DCAF6: variants seen among roughly 807,000 people sequenced by gnomAD.
DCAF6 encodes DDB1 and CUL4 associated factor 6.
A neutral mutation model predicts 125.1 loss-of-function variants in DCAF6; 54 were observed. The observed-to-expected ratio is 0.43, with a 90% CI of 0.35 to 0.54. The LOEUF (loss-of-function observed/expected upper bound fraction) is 0.54, where lower values mean the gene tolerates loss of function less well. Among genes scored for constraint, DCAF6 ranks in the 20% least tolerant of loss-of-function variants. The probability of loss-of-function intolerance (pLI) is 0.01; values close to 1 mark genes in which losing one functional copy is unlikely to be tolerated. For missense variants in DCAF6, 934 were observed against 1,161.7 expected (o/e 0.80, Z 2.85); for synonymous variants, 371 against 390.4 (o/e 0.95, Z 0.58).
intron 17 of DCAF6, among the ~76,000 whole-genome samples, chr1:168,059,711 T>C (rs1214356808): frequency 1.3e-5 from 2 of 152,176 alleles, no homozygotes; most frequent in African/African-American, 2.4e-5. Flanking sequence ...AGTGGCATGA[T>C]CATGGCTCAC....
rs985801868 is a variant in DCAF6 at position 167,984,875 on chromosome 1, C to T, written c.439-2620C>T. 5.3e-5 allele frequency among the ~76,000 whole-genome samples: 8 copies of T among 151,892 alleles called. No homozygotes were observed. The South Asian group carries it at 6.2e-4, about 12-fold the overall frequency. ...TTCATGCTGCTAATAAAGGTATACC[C>T]GAGACTGGGCAGTTTACAAAAGAAA... On this transcript the variant is annotated intron_variant, in intron 4 of 21. Coordinates refer to ENST00000367840, the MANE Select transcript of DCAF6 (RefSeq NM_001198956.2).
chr1:167,941,132 A>G (rs1451634099), intron 1 of DCAF6, among the ~76,000 whole-genome samples: 2 of 151,950 alleles, frequency 1.3e-5, no homozygotes, highest in African/African-American at 2.4e-5. Flanking sequence ...TTTTTTAGCC[A>G]TTGGGGAAAA....
chr1:167,935,853 G>T, upstream of DCAF6: 1 of 1,544,920 alleles, frequency 6.5e-7, no homozygotes, highest in Non-Finnish European at 8.8e-7. Context: ...GCCGCCGAGG[G>T]ATCGTTGGCA....
the DCAF6 span, among the ~76,000 whole-genome samples, chr1:167,868,049 C>A: frequency 2.0e-5 from 3 of 152,132 alleles, no homozygotes; most frequent in African/African-American, 7.2e-5. Flanking sequence ...AGGACTAGAT[C>A]CTAGAGTAAA....
At chr1:167,959,326 GTTGCCATAAACGT>G (rs1262842216) in intron 2 of DCAF6, among the ~76,000 whole-genome samples, 1 of 152,196 alleles carries the variant, frequency 6.6e-6, no homozygotes, top group Non-Finnish European at 1.5e-5. Context: ...TATGAGTAAA[GTTGCCATAAACGT>G]TTGTGGGCAG....
At chr1:167,976,272 C>T (rs984563005) in intron 4 of DCAF6, among the ~76,000 whole-genome samples, 6 of 152,010 alleles carry the variant, frequency 3.9e-5, no homozygotes, top group Non-Finnish European at 7.4e-5. Context: ...AATTTGAGAC[C>T]GGCCTGGCCA....
chr1:167,941,391 A>C (rs1474962356), intron 1 of DCAF6, among the ~76,000 whole-genome samples: 1 of 152,224 alleles, frequency 6.6e-6, no homozygotes, highest in Non-Finnish European at 1.5e-5. Context: ...TAGAAGGTTT[A>C]GAAGCTTCTG....
At position 168,011,692 on chromosome 1, in the gene DCAF6, G is replaced by A. The variant is rs138832533; in HGVS notation, c.1379-4089G>A. Among the ~76,000 whole-genome samples, 771 of 152,240 alleles carry A rather than the reference G, an allele frequency of 5.1e-3. 6 individuals carry two copies. Among genetic ancestry groups the A allele is most frequent in the African/African-American group, 0.018 (739 of 41,526 alleles). ...GCCATTTATAGGTTAGAAACAAGTG[G>A]AGAGACCAGGTGTGGTAGCTCATGC... On this transcript the variant is annotated intron_variant, in intron 10 of 21. Coordinates refer to ENST00000367840, the MANE Select transcript of DCAF6 (RefSeq NM_001198956.2).
At chr1:168,049,646 ATTTTTTTTTT>A (rs756012977) in intron 16 of DCAF6, among the ~76,000 whole-genome samples, 39 of 90,296 alleles carry the variant, frequency 4.3e-4, no homozygotes, top group African/African-American at 1.5e-3. Flanking sequence ...TCTGCATATA[ATTTTTTTTTT>A]TTTTTTTTTT....
At chr1:168,029,080 T>C (rs1686709602) in intron 12 of DCAF6, among the ~76,000 whole-genome samples, 1 of 152,240 alleles carries the variant, frequency 6.6e-6, no homozygotes, top group African/African-American at 2.4e-5. Context: ...CAATTAATGA[T>C]ATATTTGATC....
At chr1:168,054,695 G>A (rs552114337) in intron 17 of DCAF6, among the ~76,000 whole-genome samples, 27 of 152,178 alleles carry the variant, frequency 1.8e-4, no homozygotes, top group African/African-American at 6.5e-4. Context: ...GCTTCACCCT[G>A]TCTGAATAAT....
At chr1:168,009,151 A>G (rs1412244858) in intron 10 of DCAF6, among the ~76,000 whole-genome samples, 6 of 150,966 alleles carry the variant, frequency 4.0e-5, no homozygotes, top group African/African-American at 4.9e-5. Flanking sequence ...GGCGCCTGCC[A>G]CCATGCCCGG....
upstream of DCAF6, chr1:167,936,650 G>C (rs552498619): frequency 5.2e-5 from 21 of 404,946 alleles, no homozygotes; most frequent in East Asian, 7.3e-4. Context: ...CCTGTTGGAG[G>C]GGGGCTGAGG....
the DCAF6 span, chr1:167,880,366 A>G: frequency 1.1e-6 from 1 of 951,136 alleles, no homozygotes; most frequent in African/African-American, 1.6e-5. Context: ...AGGAGGAACA[A>G]CAGTTTGAGA....
the DCAF6 span, among the ~76,000 whole-genome samples, chr1:167,869,027 A>G: frequency 6.6e-6 from 1 of 152,242 alleles, no homozygotes; most frequent in Admixed American, 6.5e-5. Flanking sequence ...ATTTAACCTT[A>G]CTAATTACTG....
At chr1:167,947,421 T>C (rs1673242952) in intron 1 of DCAF6, among the ~76,000 whole-genome samples, 1 of 152,000 alleles carries the variant, frequency 6.6e-6, no homozygotes, top group Non-Finnish European at 1.5e-5. Context: ...TTGGGTTTGG[T>C]TTTTTCTTGG....
At chr1:167,906,149 A>G in the DCAF6 span, among the ~76,000 whole-genome samples, 27 of 152,296 alleles carry the variant, frequency 1.8e-4, 2 homozygotes, top group East Asian at 4.4e-3. Flanking sequence ...TATCCCTTAG[A>G]TTTAAGGGGA....
chr1:167,991,940 C>T (rs899843844), intron 6 of DCAF6, among the ~76,000 whole-genome samples: 4 of 152,064 alleles, frequency 2.6e-5, no homozygotes, highest in African/African-American at 9.7e-5. Flanking sequence ...CTAACTACAT[C>T]TGTAAAGGTC....
At chr1:168,048,063 A>G (rs1689367368) in intron 16 of DCAF6, among the ~76,000 whole-genome samples, 2 of 152,164 alleles carry the variant, frequency 1.3e-5, no homozygotes, top group Admixed American at 1.3e-4. Flanking sequence ...CTTCTTAAGA[A>G]CATGAAAAGA....
Sources: gnomAD v4.1 joint callset for allele counts (sites outside exome capture counted in the v4.1 genomes callset) on GRCh38, gnomAD v4.1.1 for gene constraint, MANE v1.5 for transcripts, NCBI Gene and HGNC (gene_info 2026-07-23, HGNC 2026-07-21) for gene names.